The following LDLRAD3 variants were observed in gnomAD, a reference collection of about 807,000 sequenced individuals.
LDLRAD3 encodes low-density lipoprotein receptor class A domain-containing protein 3.
A neutral mutation model predicts 29.4 loss-of-function variants in LDLRAD3; 20 were observed. That is an observed-to-expected ratio of 0.68 (90% CI 0.48 to 0.99). The LOEUF is 0.99. Ranked by LOEUF, LDLRAD3 falls within the 50% of genes least tolerant of loss-of-function variation. The probability of loss-of-function intolerance (pLI) is 0.00; values close to 1 mark genes in which losing one functional copy is unlikely to be tolerated. For synonymous variants in LDLRAD3, 157 were observed against 192.7 expected, an observed-to-expected ratio of 0.81 and a Z score of 1.53; for missense variants, 420 against 454.3, an observed-to-expected ratio of 0.92 and a Z score of 0.69.
intron 4 of LDLRAD3, among the ~76,000 whole-genome samples, chr11:36,183,458 C>T (rs1326930325): frequency 6.6e-6 from 1 of 152,022 alleles, no homozygotes; most frequent in Non-Finnish European, 1.5e-5. Flanking sequence ...ATATTGCACA[C>T]TCTGTCCAGC....
chr11:35,971,937 G>A (rs901034244), intron 1 of LDLRAD3, among the ~76,000 whole-genome samples: 3 of 152,270 alleles, frequency 2.0e-5, no homozygotes, highest in African/African-American at 7.2e-5. Flanking sequence ...TATTCTATCT[G>A]AATGGATGGT....
At chr11:36,055,918 T>G (rs1444761095) in intron 2 of LDLRAD3, among the ~76,000 whole-genome samples, 1 of 149,464 alleles carries the variant, frequency 6.7e-6, no homozygotes, top group Non-Finnish European at 1.5e-5. Flanking sequence ...TGGGTAGCTT[T>G]AAGGTTATGC....
chr11:36,004,758 TAC>T (rs771502527), intron 1 of LDLRAD3, among the ~76,000 whole-genome samples: 51 of 152,356 alleles, frequency 3.3e-4, no homozygotes, highest in Middle Eastern at 3.4e-3. Flanking sequence ...GGAGTTTCCA[TAC>T]ATCCTCTGAA....
intron 1 of LDLRAD3, among the ~76,000 whole-genome samples, chr11:36,034,338 G>T (rs1008200410): frequency 6.6e-5 from 10 of 152,140 alleles, no homozygotes; most frequent in African/African-American, 2.4e-4. Flanking sequence ...AGCAATCCCT[G>T]TAAGAAAGGG....
intron 4 of LDLRAD3, chr11:36,163,631 C>G (rs974956144): frequency 6.6e-6 from 1 of 151,860 alleles, no homozygotes; most frequent in Admixed American, 6.6e-5. Flanking sequence ...CACTCCTGCA[C>G]CCATTTGATA....
intron 4 of LDLRAD3, among the ~76,000 whole-genome samples, chr11:36,100,026 T>C (rs1335508455): frequency 6.6e-6 from 1 of 152,068 alleles, no homozygotes; most frequent in African/African-American, 2.4e-5. Flanking sequence ...ATGCAGTTGT[T>C]CAGGCGCCAT....
intron 4 of LDLRAD3, among the ~76,000 whole-genome samples, chr11:36,170,259 C>CATATATATACACATATATGT (rs1854576091): frequency 6.8e-6 from 1 of 148,102 alleles, no homozygotes; most frequent in Non-Finnish European, 1.5e-5. Context: ...TATATATATA[C>CATATATATACACATATATGT]ACATATATAT....
chr11:36,173,767 C>T (rs746879982), intron 4 of LDLRAD3, among the ~76,000 whole-genome samples: 8 of 152,078 alleles, frequency 5.3e-5, no homozygotes, highest in South Asian at 2.1e-4. Context: ...GAATCAATAT[C>T]GTGAAAATGG....
At chr11:36,190,626 C>A (rs140574267) in intron 4 of LDLRAD3, among the ~76,000 whole-genome samples, 1 of 151,868 alleles carries the variant, frequency 6.6e-6, no homozygotes, top group Non-Finnish European at 1.5e-5. Context: ...ATATCCAAAT[C>A]GTAGGAATTC....
intron 1 of LDLRAD3, among the ~76,000 whole-genome samples, chr11:35,948,973 C>T (rs892861589): frequency 1.3e-5 from 2 of 152,146 alleles, no homozygotes; most frequent in African/African-American, 4.8e-5. Context: ...CTAGCATGAG[C>T]AAGTGTCCTT....
In LDLRAD3 at chr11:36,171,681, G is replaced by A. The variant is rs1854600464; in HGVS notation, c.455-55404G>A. Among the ~76,000 whole-genome samples, 3 of 152,108 alleles carry A rather than the reference G, an allele frequency of 2.0e-5. No individual in the cohort carries two copies. The South Asian group carries it at 6.2e-4, about 32-fold the overall frequency. On this transcript the variant is annotated intron_variant, in intron 4 of 5. Coordinates refer to ENST00000315571, the MANE Select transcript of LDLRAD3 (RefSeq NM_174902.4). ...TCCCTATTCTGTTCCATTGGTCTAT[G>A]TGCCTGTTTTTCTACCAGTACCATG...
intron 4 of LDLRAD3, chr11:36,197,464 G>T (rs72937449): frequency 0.078 from 11,841 of 152,246 alleles, 515 homozygotes; most frequent in East Asian, 0.19. Flanking sequence ...TGGGTACACA[G>T]TCTTTCTGTG....
chr11:36,160,572 A>T (rs1419168083), intron 4 of LDLRAD3, among the ~76,000 whole-genome samples: 1 of 152,116 alleles, frequency 6.6e-6, no homozygotes, highest in Non-Finnish European at 1.5e-5. Flanking sequence ...CCCTTAAAAA[A>T]TTTTTGGCCC....
intron 1 of LDLRAD3, among the ~76,000 whole-genome samples, chr11:36,035,446 G>C (rs915533041): frequency 3.9e-5 from 6 of 152,170 alleles, no homozygotes; most frequent in Admixed American, 2.0e-4. Flanking sequence ...CAGTGGAGTT[G>C]AATCTGAACT....
At chr11:36,116,354 C>T (rs1853674126) in intron 4 of LDLRAD3, among the ~76,000 whole-genome samples, 1 of 152,046 alleles carries the variant, frequency 6.6e-6, no homozygotes, top group Non-Finnish European at 1.5e-5. Flanking sequence ...TATCTTGCTT[C>T]CTGGCCTAAC....
At chr11:36,161,152 G>C (rs1356974758) in intron 4 of LDLRAD3, among the ~76,000 whole-genome samples, 1 of 152,146 alleles carries the variant, frequency 6.6e-6, no homozygotes, top group African/African-American at 2.4e-5. Flanking sequence ...CACAGTGAGG[G>C]CTTCCCATTC....
intron 2 of LDLRAD3, among the ~76,000 whole-genome samples, chr11:36,072,866 G>A (rs939594559): frequency 3.9e-5 from 6 of 152,176 alleles, no homozygotes; most frequent in Non-Finnish European, 5.9e-5. Flanking sequence ...TAGTTCTCAC[G>A]TGGACCCCAA....
chr11:36,202,800 C>T (rs554162986), intron 4 of LDLRAD3, among the ~76,000 whole-genome samples: 1 of 152,300 alleles, frequency 6.6e-6, no homozygotes, highest in East Asian at 1.9e-4. Context: ...TCAGTAAAGT[C>T]AGACCCTGAC....
At chr11:36,178,598 C>T (rs965442418) in intron 4 of LDLRAD3, among the ~76,000 whole-genome samples, 8 of 152,230 alleles carry the variant, frequency 5.3e-5, no homozygotes, top group Non-Finnish European at 8.8e-5. Context: ...CCTCTATGCC[C>T]CATCAAAACT....
Sources: gnomAD v4.1 joint callset for allele counts (sites outside exome capture counted in the v4.1 genomes callset) on GRCh38, gnomAD v4.1.1 for gene constraint, MANE v1.5 for transcripts, NCBI Gene and HGNC (gene_info 2026-07-23, HGNC 2026-07-21) for gene names.